Variants in FZD3 observed in about 807,000 individuals in gnomAD.
FZD3 encodes frizzled-3.
Under a neutral mutation model 60.7 loss-of-function variants are expected in FZD3, and 30 were observed. That is an observed-to-expected ratio of 0.49 (90% CI 0.37 to 0.67). The LOEUF (loss-of-function observed/expected upper bound fraction) is 0.67. Among genes scored for constraint, FZD3 ranks in the 30% least tolerant of loss-of-function variants. FZD3 has a pLI of 0.00. For synonymous variants in FZD3, 246 were observed against 275.2 expected, an observed-to-expected ratio of 0.89 and a Z score of 1.05; for missense variants, 605 against 838.7, an observed-to-expected ratio of 0.72 and a Z score of 3.44.
intron 3 of FZD3, among the ~76,000 whole-genome samples, chr8:28,519,748 A>C (rs866366019): frequency 7.5e-5 from 10 of 133,226 alleles, no homozygotes; most frequent in African/African-American, 1.3e-4. Context: ...AAAAAAAAAA[A>C]CCAAGAAAAT....
At chr8:28,510,168 C>T (rs1416627955) in intron 3 of FZD3, among the ~76,000 whole-genome samples, 1 of 151,944 alleles carries the variant, frequency 6.6e-6, no homozygotes, top group Non-Finnish European at 1.5e-5. Flanking sequence ...AGTATGATGA[C>T]ATGATCCTTA....
chr8:28,510,649 T>C (rs929895177), intron 3 of FZD3, among the ~76,000 whole-genome samples: 1 of 152,228 alleles, frequency 6.6e-6, no homozygotes, highest in African/African-American at 2.4e-5. Flanking sequence ...TTGCTACTTA[T>C]CAACTGTGGA....
At chr8:28,514,318 A>T (rs373680726) in intron 3 of FZD3, among the ~76,000 whole-genome samples, 2 of 22,780 alleles carry the variant, frequency 8.8e-5, no homozygotes, top group South Asian at 1.6e-3. Flanking sequence ...TGTTAAGGAT[A>T]AAAAAAAAAT....
intron 1 of FZD3, among the ~76,000 whole-genome samples, chr8:28,499,205 G>A (rs988214264): frequency 2.6e-5 from 4 of 151,944 alleles, no homozygotes; most frequent in African/African-American, 4.8e-5. Flanking sequence ...TTAAACAATC[G>A]AAATAGTTTT....
intron 7 of FZD3, among the ~76,000 whole-genome samples, chr8:28,558,027 AGCACATGCAG>A (rs1805544677): frequency 6.6e-6 from 1 of 152,238 alleles, no homozygotes; most frequent in Non-Finnish European, 1.5e-5. Context: ...TTAAGGTAAC[AGCACATGCAG>A]AGGCAAGGAA....
At chr8:28,554,980 TATTA>T (rs1485761298) in intron 6 of FZD3, among the ~76,000 whole-genome samples, 2 of 152,312 alleles carry the variant, frequency 1.3e-5, no homozygotes, top group African/African-American at 2.4e-5. Flanking sequence ...TTAGCTCTTG[TATTA>T]ATTTAATTAC....
At chr8:28,505,403 G>A (rs1392327614) in intron 3 of FZD3, among the ~76,000 whole-genome samples, 1 of 151,876 alleles carries the variant, frequency 6.6e-6, no homozygotes, top group African/African-American at 2.4e-5. Context: ...CCACACTGGA[G>A]TGCTGTTGTG....
rs766901985 is a variant in FZD3 at position 28,527,782 on chromosome 8, C to T, written c.1022C>T (p.Thr341Ile). 3 of 1,614,044 alleles carry T rather than the reference C, an allele frequency of 1.9e-6. No individual in the cohort carries two copies. In the African/African-American group the frequency reaches 4.0e-5, roughly 22 times the overall value. ...GCCAGTGCATGGGGCATCCCCGGAA[C>T]TCTAACCATCATCCTTTTAGCGATG... ...FHASAWGIPG[T>I]LTIILLAMNK... Residue 341 changes from threonine to isoleucine, a missense_variant, in exon 5 of 8, where the codon ACT becomes ATT. Thr to Ile is a moderately conservative substitution (Grantham distance 89, BLOSUM62 -1). Coordinates refer to ENST00000240093, the MANE Select transcript of FZD3 (RefSeq NM_017412.4). This position sits in a 1 kb window ranked among gnomAD's most constrained non-coding sequence, Gnocchi z 5.0.
chr8:28,520,569 C>A, intron 3 of FZD3, 69 bp from the exon 4 acceptor site: 1 of 805,072 alleles, frequency 1.2e-6, no homozygotes, highest in Non-Finnish European at 1.8e-6. Flanking sequence ...GAGAATGTTG[C>A]AGTATTATAG....
chr8:28,508,731 C>A (rs143867869), intron 3 of FZD3, among the ~76,000 whole-genome samples: 15 of 152,116 alleles, frequency 9.9e-5, no homozygotes, highest in African/African-American at 3.1e-4. Flanking sequence ...CACCATGTTG[C>A]CAAGTTGAGT....
chr8:28,496,932 G>T (rs534954581), intron 1 of FZD3, among the ~76,000 whole-genome samples: 5 of 151,574 alleles, frequency 3.3e-5, no homozygotes, highest in South Asian at 4.1e-4. Flanking sequence ...TGGTATTAGA[G>T]AATTTTTTTG....
rs574716296 is a variant in FZD3 at position 28,569,606 on chromosome 8, G to A, written c.*6595G>A. 5 of 151,618 alleles carry A rather than the reference G, an allele frequency of 3.3e-5. No homozygotes were observed. The highest frequency in any genetic ancestry group is 1.3e-4 in the Admixed American group (2 of 15,208). 9.4% of individuals were successfully genotyped at this position (151,618 alleles called of 1,614,324 possible). A position where few individuals can be genotyped will look rare whatever the true frequency, so the allele number is the denominator to read the frequency against. Reference sequence around the variant, plus strand: ...TACTAGATCAACCTGTATTATTAACGTCATTTACATGTAAATTGATGGGAT... The same window carrying A: ...TACTAGATCAACCTGTATTATTAACATCATTTACATGTAAATTGATGGGAT... On this transcript the variant is annotated 3_prime_UTR_variant, in exon 8 of 8. Transcript: ENST00000240093.
intron 5 of FZD3, among the ~76,000 whole-genome samples, chr8:28,550,224 A>T (rs12677252): frequency 0.59 from 88,752 of 151,530 alleles, 26,176 homozygotes; most frequent in East Asian, 0.65. Flanking sequence ...GGAGTCAATT[A>T]TGTTAAATTA....
At chr8:28,503,413 A>T (rs536054310) in intron 3 of FZD3, among the ~76,000 whole-genome samples, 1 of 152,232 alleles carries the variant, frequency 6.6e-6, no homozygotes, top group Non-Finnish European at 1.5e-5. Flanking sequence ...TATTTTAGAC[A>T]TTATACTTTT....
chr8:28,522,104 C>CTTT (rs1159167662), intron 4 of FZD3, among the ~76,000 whole-genome samples: 6 of 140,404 alleles, frequency 4.3e-5, no homozygotes, highest in Admixed American at 1.4e-4. Flanking sequence ...TTTCTCTTCT[C>CTTT]TTTTTTTTTT....
chr8:28,565,047 ACTTT>A lies in FZD3; in HGVS notation c.*2044_*2047del, dbSNP rs1231788288. 1.5e-5 allele frequency: 2 copies of A among 135,024 alleles called. No individual in the cohort carries two copies. The highest frequency in any genetic ancestry group is 3.2e-5 in the Non-Finnish European group (2 of 62,764). The allele number at this position is 135,024 out of a possible 1,614,324, so 8.4% of individuals were successfully genotyped here. A position where few individuals can be genotyped will look rare whatever the true frequency, so the allele number is the denominator to read the frequency against. On this transcript the variant is annotated 3_prime_UTR_variant, in exon 8 of 8. Transcript: ENST00000240093. Reference sequence around the variant, plus strand: ...CTTGACGTGTGTTGAATTCATGTATACTTTCTTTCTTACCCTTTAAAACAAACTG... The same window carrying A: ...CTTGACGTGTGTTGAATTCATGTATACTTTCTTACCCTTTAAAACAAACTG...
At chr8:28,548,626 CTG>C (rs1183378063) in intron 5 of FZD3, among the ~76,000 whole-genome samples, 2 of 152,218 alleles carry the variant, frequency 1.3e-5, no homozygotes, top group African/African-American at 2.4e-5. Context: ...ATATTAAACA[CTG>C]TGTTCTATAA....
Position 28,527,935 on chromosome 8 carries a change from C to T in FZD3, c.1175C>T (p.Ala392Val), listed in dbSNP as rs780945967. ...YVVVGVSLLLAGIISLNRVRI... is the reference protein window; with the variant it reads ...YVVVGVSLLLVGIISLNRVRI... The stretch of plus-strand genomic sequence containing the variant: ...GTAGTTGGGGTTTCTCTCCTCTTAG[C>T]TGGCATTATATCCCTAAACAGAGTT... The change falls in exon 5 of 8, where the codon GCT (alanine) becomes GTT (valine). Residue 392 changes from alanine (A) to valine (V), a missense_variant. Physicochemically the swap from Ala to Val is moderately conservative, Grantham distance 64. Coordinates refer to ENST00000240093, the MANE Select transcript of FZD3 (RefSeq NM_017412.4). The surrounding 1 kb of genome is among the most constrained non-coding windows in gnomAD (Gnocchi z 5.0). The T allele has an allele frequency of 6.2e-7, 1 of 1,613,856 alleles. No homozygotes were observed. Among genetic ancestry groups the T allele is most frequent in the African/African-American group, 1.3e-5 (1 of 74,928 alleles).
rs202113066 is a variant in FZD3, at chr8:28,569,182, G to T, written c.*6171G>T. The T allele has an allele frequency of 4.1e-5, 6 of 145,046 alleles. No individual in the cohort carries two copies. The highest frequency in any genetic ancestry group is 7.5e-5 in the African/African-American group (3 of 39,772). 9.0% of individuals were successfully genotyped at this position (145,046 alleles called of 1,614,324 possible). On this transcript the variant is annotated 3_prime_UTR_variant, in exon 8 of 8. Transcript: ENST00000240093. ...ATATTTCTTTGTGTTGTGCTTATTG[G>T]TTTTTTTTTTTAACTTAGAGCTTAA...
Sources: allele counts gnomAD v4.1 joint callset (sites outside exome capture counted in the v4.1 genomes callset), GRCh38; gene constraint gnomAD v4.1.1; non-coding constraint Gnocchi (gnomAD v3.1); transcripts MANE v1.5; gene names NCBI Gene and HGNC (gene_info 2026-07-23, HGNC 2026-07-21).